STAB1: variants seen among roughly 807,000 people sequenced by gnomAD.
STAB1 encodes the protein stabilin-1.
STAB1 carries 250 observed loss-of-function variants against 332.4 expected under a neutral mutation model. The observed-to-expected ratio is 0.75, with a 90% CI of 0.68 to 0.84. STAB1 has a LOEUF of 0.84. STAB1 is among the 40% of genes least tolerant of loss of function. The pLI is 0.00. For synonymous variants in STAB1, 1,475 were observed against 1,390.4 expected (o/e 1.06, Z -1.35); for missense variants, 3,249 against 3,489.7 (o/e 0.93, Z 1.74).
In STAB1 at chr3:52,522,792, C is replaced by A; in HGVS notation, c.6762C>A (p.Cys2254Ter). The A allele has an allele frequency of 6.2e-7, 1 of 1,613,212 alleles. No homozygotes were observed. Among genetic ancestry groups the A allele is most frequent in the Non-Finnish European group, 8.5e-7 (1 of 1,179,980 alleles). ...SAAQQLGFHL[C>*]LMGWLANGST... is the part of the protein sequence containing the mutation. ...TCCTACAGCTGGGCTTCCACCTGTGCCTCATGGGCTGGCTGGCCAATGGCT... is the reference window on the plus strand; with the variant it reads ...TCCTACAGCTGGGCTTCCACCTGTGACTCATGGGCTGGCTGGCCAATGGCT... Residue 2254 changes from cysteine to a stop codon, truncating the protein, a stop_gained, in exon 62 of 69, where the codon TGC becomes TGA. Coordinates refer to ENST00000321725, the MANE Select transcript of STAB1 (RefSeq NM_015136.3). LOFTEE classifies it high-confidence loss of function.
chr3:52,505,648 C>T lies in STAB1; in HGVS notation c.1582-20C>T, dbSNP rs1179474446. On this transcript the variant is annotated intron_variant, in intron 14 of 68. Transcript: ENST00000321725. ...GAGGCTGGCCATGCAACCCCCTGAG[C>T]CTCCCTTGCACCACCACAGAACTGT... 3 of 1,610,714 alleles carry T rather than the reference C, an allele frequency of 1.9e-6. No individual in the cohort carries two copies. The highest frequency in any genetic ancestry group is 2.5e-6 in the Non-Finnish European group (3 of 1,178,540).
rs764256404 is a variant in STAB1, at chr3:52,513,921, G to A, written c.3387G>A (p.Gln1129=). 17 of 1,605,910 alleles carry A rather than the reference G, an allele frequency of 1.1e-5. No homozygotes were observed. In the East Asian group the frequency reaches 3.8e-4, roughly 36 times the overall value. The change falls in exon 32 of 69, where the codon CAG becomes CAA. Residue 1129 remains glutamine, a synonymous_variant. Coordinates refer to ENST00000321725, the MANE Select transcript of STAB1 (RefSeq NM_015136.3). ...LPPRGDVPGG[Q]GLLQQLDLVP... The stretch of plus-strand genomic sequence containing the variant: ...CCCGAGGGGATGTGCCCGGTGGGCA[G>A]GGGTTGCTGCAGCAGCTGGACTTGG...
rs779061430 is a variant in STAB1, at chr3:52,501,677, C to T, written c.255C>T (p.Ser85=). Residue 85 remains serine (S), a synonymous_variant, in exon 3 of 69, where the codon AGC becomes AGT. Coordinates refer to ENST00000321725, the MANE Select transcript of STAB1 (RefSeq NM_015136.3). The part of the protein sequence containing the change: ...VQLGGSMVSM[S]GCRRKCRKQV... Reference sequence around the variant, plus strand: ...TGGGGGGCTCTATGGTGTCCATGAGCGGCTGCAGACGGAAGTGCCGGAAGC... The same window carrying T: ...TGGGGGGCTCTATGGTGTCCATGAGTGGCTGCAGACGGAAGTGCCGGAAGC... 47 of 1,577,756 alleles carry T rather than the reference C, an allele frequency of 3.0e-5. No individual in the cohort carries two copies. Among genetic ancestry groups the T allele is most frequent in the East Asian group, 4.7e-5 (2 of 42,586 alleles).
chr3:52,504,926 G>A (rs752930493), intron 12 of STAB1, 50 bp downstream of exon 12: 1 of 1,613,140 alleles, frequency 6.2e-7, no homozygotes, highest in Non-Finnish European at 8.5e-7. Context: ...AGCCTGGCAA[G>A]GGTGTGCAGG....
Position 52,518,304 on chromosome 3 carries a change from C to T in STAB1, c.4762-8C>T. The stretch of plus-strand genomic sequence containing the variant: ...GCCCCAAATCTGAGCTGACCCTCGC[C>T]CCCCCAGGAGCTCCTGAGGGATAAG... On this transcript the variant is annotated splice_polypyrimidine_tract_variant and splice_region_variant and intron_variant, in intron 45 of 68. Transcript: ENST00000321725. 5.0e-6 allele frequency: 8 copies of T among 1,612,558 alleles called. No homozygotes were observed. Among genetic ancestry groups the T allele is most frequent in the Non-Finnish European group, 6.8e-6 (8 of 1,179,706 alleles).
chr3:52,509,254 A>G lies in STAB1; in HGVS notation c.2280A>G (p.Pro760=), dbSNP rs144173754. ...IQGNGACLCF[P]DYKGIACHIC... ...GCAATGGGGCCTGCCTCTGCTTCCC[A>G]GACTACAAGGGCATCGCCTGCCACA... is the stretch of plus-strand genomic sequence containing the variant. The change falls in exon 22 of 69, where the codon CCA becomes CCG. Residue 760 remains proline (P), a synonymous_variant. Coordinates refer to ENST00000321725, the MANE Select transcript of STAB1 (RefSeq NM_015136.3). 3 of 1,613,538 alleles carry G rather than the reference A, an allele frequency of 1.9e-6. No homozygotes were observed. The African/African-American group carries it at 4.0e-5, about 21-fold the overall frequency.
Position 52,523,090 on chromosome 3 carries a change from C to A in STAB1, c.6976C>A (p.Leu2326Met). 1 of 1,573,098 alleles carries A rather than the reference C, an allele frequency of 6.4e-7. No individual in the cohort carries two copies. Among genetic ancestry groups the A allele is most frequent in the Non-Finnish European group, 8.6e-7 (1 of 1,158,020 alleles). Residue 2326 changes from leucine (L) to methionine (M), a missense_variant, in exon 63 of 69, where the codon CTG becomes ATG. By Grantham distance (15) the Leu-to-Met change is conservative. Transcript: ENST00000321725. ...DGISTCNGKL[L>M]DVLAATANFS... is the part of the protein sequence containing the mutation. ...GATCAGCACGTGCAATGGGAAGCTG[C>A]TGGATGTGCTGGCTGCCACTGCCAA...
chr3:52,519,757 G>A, intron 50 of STAB1, 187 bp from the exon 51 acceptor site: 2 of 1,122,700 alleles, frequency 1.8e-6, no homozygotes, highest in South Asian at 3.1e-5. Flanking sequence ...GTGTGCTTAT[G>A]TGTGCCCACA....
chr3:52,520,798 G>A lies in STAB1; in HGVS notation c.5707-6G>A, dbSNP rs1402819260. The A allele has an allele frequency of 1.2e-6, 2 of 1,612,630 alleles. No homozygotes were observed. The highest frequency in any genetic ancestry group is 2.7e-5 in the African/African-American group (2 of 74,958). On this transcript the variant is annotated splice_region_variant and splice_polypyrimidine_tract_variant and intron_variant, in intron 54 of 68. Coordinates refer to ENST00000321725, the MANE Select transcript of STAB1 (RefSeq NM_015136.3). ...ACCCAACTGCGGCCTGACTCCTTTG[G>A]CCCAGGGCAGCCCTGAGGCCTGCTG...
chr3:52,514,284 G>A (rs1031231623), intron 33 of STAB1, 71 bp downstream of exon 33: 37 of 1,596,586 alleles, frequency 2.3e-5, no homozygotes, highest in Admixed American at 8.4e-5. Context: ...ATCCCACCAC[G>A]AAGGGACACA....
In STAB1 at chr3:52,505,163, TC is replaced by T; in HGVS notation, c.1518+24del. On this transcript the variant is annotated intron_variant, in intron 13 of 68. Transcript: ENST00000321725. ...CCCAAGGTGAGCCAGCATCCTCCCC[TC>T]CCCTCCCCTGTGCTGCTGGGTAATC... is the stretch of plus-strand genomic sequence containing the variant. 1 of 1,611,000 alleles carries T rather than the reference TC, an allele frequency of 6.2e-7. No homozygotes were observed. The highest frequency in any genetic ancestry group is 1.7e-4 in the Middle Eastern group (1 of 6,052).
intron 34 of STAB1, 65 bp downstream of exon 34, chr3:52,514,561 T>C: frequency 6.5e-7 from 1 of 1,537,774 alleles, no homozygotes; most frequent in Non-Finnish European, 8.8e-7. Context: ...CCCTTCCCTT[T>C]GGAGTTTCCC....
At chr3:52,517,648 C>A (rs1183768795) in intron 44 of STAB1, 24 bp downstream of exon 44, 2 of 1,609,444 alleles carry the variant, frequency 1.2e-6, no homozygotes, top group Non-Finnish European at 1.7e-6. Flanking sequence ...TCCTGTCCTC[C>A]TTCACTGACG....
chr3:52,504,596 C>A (rs1233148564), intron 11 of STAB1, 47 bp downstream of exon 11: 1 of 1,612,684 alleles, frequency 6.2e-7, no homozygotes, highest in Admixed American at 1.7e-5. Flanking sequence ...CTCACCTCCT[C>A]CCCTGGATGC....
chr3:52,517,001 C>T lies in STAB1; in HGVS notation c.4381C>T (p.His1461Tyr), dbSNP rs747562062. ...IFCSEVDPCA[H>Y]GHGGCSPHAN... ...CCCCTTAGAGGTGGACCCCTGCGCC[C>T]ACGGCCATGGGGGCTGCTCCCCTCA... The change falls in exon 42 of 69, where the codon CAC becomes TAC. Residue 1461 changes from histidine to tyrosine, a missense_variant. By Grantham distance (83) the His-to-Tyr change is moderately conservative. Transcript: ENST00000321725. The T allele has an allele frequency of 1.2e-5, 20 of 1,609,942 alleles. No individual in the cohort carries two copies. The South Asian group carries it at 1.8e-4, about 14-fold the overall frequency.
chr3:52,506,342 G>A (rs1708863771), intron 17 of STAB1, 92 bp downstream of exon 17: 2 of 1,211,560 alleles, frequency 1.7e-6, no homozygotes, highest in African/African-American at 1.5e-5. Flanking sequence ...GAGCCCCGTG[G>A]TGGGCAGGAC....
At position 52,520,086 on chromosome 3, in the gene STAB1, C is replaced by A; in HGVS notation, c.5378C>A (p.Ala1793Asp). The change falls in exon 51 of 69, where the codon GCC becomes GAC. Residue 1793 changes from alanine (A) to aspartate (D), a missense_variant. Physicochemically the swap from Ala to Asp is moderately radical, Grantham distance 126 (BLOSUM62 -2). Coordinates refer to ENST00000321725, the MANE Select transcript of STAB1 (RefSeq NM_015136.3). ...YHEDHRDKLA[A>D]ILRGHMIRNV... ...GAGGACCACCGTGACAAGCTAGCAG[C>A]CATTCTGCGGGGCCACATGATTCGC... The A allele has an allele frequency of 6.2e-7, 1 of 1,611,678 alleles. No individual in the cohort carries two copies. Among genetic ancestry groups the A allele is most frequent in the Non-Finnish European group, 8.5e-7 (1 of 1,178,884 alleles).
intron 6 of STAB1, 82 bp from the exon 7 acceptor site, chr3:52,502,917 C>T: frequency 6.7e-6 from 9 of 1,345,890 alleles, no homozygotes; most frequent in Non-Finnish European, 9.0e-6. Flanking sequence ...CCAAGTCACA[C>T]AGAACAGGCA....
At chr3:52,519,608 G>C in intron 50 of STAB1, 44 bp downstream of exon 50, 1 of 1,568,426 alleles carries the variant, frequency 6.4e-7, no homozygotes, top group Non-Finnish European at 8.7e-7. Context: ...ACACATGCAC[G>C]TGTAAGTGTG....
Sources: allele counts gnomAD v4.1 joint callset, GRCh38; gene constraint gnomAD v4.1.1; transcripts MANE v1.5; gene names NCBI Gene and HGNC (gene_info 2026-07-23, HGNC 2026-07-21).